Variants in SEMA6B observed in about 807,000 individuals in gnomAD.
SEMA6B encodes semaphorin-6B.
In SEMA6B, 47 loss-of-function variants were observed where a neutral mutation model predicts 78.6. The observed-to-expected ratio is 0.60, with a 90% CI of 0.47 to 0.76. The LOEUF (loss-of-function observed/expected upper bound fraction) is 0.76, where lower values mean the gene tolerates loss of function less well. SEMA6B is among the 30% of genes least tolerant of loss of function. The probability of loss-of-function intolerance (pLI) is 0.00; values close to 1 mark genes in which losing one functional copy is unlikely to be tolerated. For missense variants in SEMA6B, 1,213 were observed against 1,269.9 expected (o/e 0.96, Z 0.68); for synonymous variants, 632 against 592.2 (o/e 1.07, Z -0.98).
chr19:4,547,932 G>T, intron 14 of SEMA6B, 95 bp downstream of exon 14: 1 of 1,384,500 alleles, frequency 7.2e-7, no homozygotes, highest in Non-Finnish European at 9.5e-7. Context: ...CAATGACCAG[G>T]ACATCATTGG....
intron 12 of SEMA6B, among the ~76,000 whole-genome samples, chr19:4,549,447 G>A (rs4806987): frequency 0.4 from 60,361 of 149,718 alleles, 13,485 homozygotes; most frequent in East Asian, 0.84. Flanking sequence ...GACTACAGGC[G>A]CCCACCACCA....
chr19:4,547,791 G>T (rs1211263776), intron 14 of SEMA6B, among the ~76,000 whole-genome samples: 1 of 148,052 alleles, frequency 6.8e-6, no homozygotes, highest in South Asian at 2.2e-4. Flanking sequence ...TCCCCTCCCC[G>T]TCCTCCCCTC....
rs765190738 is a variant in SEMA6B at position 4,548,022 on chromosome 19, C to T, written c.1601+5G>A. ...GCCCACGGCTGGCCTGGGGTGGACA[C>T]TCACTTCATACACCCCGAGTACTGC... On this transcript the variant is annotated splice_donor_5th_base_variant and intron_variant, in intron 14 of 16. Coordinates refer to ENST00000586582, the MANE Select transcript of SEMA6B (RefSeq NM_032108.4). 5.2e-6 allele frequency: 8 copies of T among 1,540,844 alleles called. No individual in the cohort carries two copies. Among genetic ancestry groups the T allele is most frequent in the Admixed American group, 1.8e-5 (1 of 54,974 alleles).
chr19:4,550,906 G>A lies in SEMA6B; in HGVS notation c.1014C>T (p.Ala338=). The A allele has an allele frequency of 6.2e-7, 1 of 1,613,680 alleles. No homozygotes were observed. Among genetic ancestry groups the A allele is most frequent in the Non-Finnish European group, 8.5e-7 (1 of 1,179,994 alleles). The change falls in exon 11 of 17, where the codon GCC becomes GCT. Residue 338 remains alanine, a synonymous_variant. Coordinates refer to ENST00000586582, the MANE Select transcript of SEMA6B (RefSeq NM_032108.4). The surrounding 1 kb of genome is among the most constrained non-coding windows in gnomAD (Gnocchi z 6.6). The part of the protein sequence containing the change: ...SNSIPGSAVC[A]FDLTQVAAVF... ...CAGCTGCCACCTGTGTCAGGTCAAA[G>A]GCGCAGACAGCCGAGCCAGGGATGC...
intron 14 of SEMA6B, 141 bp from the exon 15 acceptor site, chr19:4,546,610 C>T (rs926555640): frequency 1.6e-5 from 7 of 446,076 alleles, no homozygotes; most frequent in South Asian, 7.2e-5. Flanking sequence ...GACGGAATTT[C>T]GCTCTTGTTG....
chr19:4,557,983 A>G, intron 3 of SEMA6B, 43 bp downstream of exon 3: 1 of 1,316,058 alleles, frequency 7.6e-7, no homozygotes, highest in South Asian at 2.1e-5. Context: ...CCCCTCGCTC[A>G]TTCTGCTCGT....
chr19:4,549,056 C>A (rs1162536806), intron 12 of SEMA6B, among the ~76,000 whole-genome samples: 1 of 152,078 alleles, frequency 6.6e-6, no homozygotes, highest in Non-Finnish European at 1.5e-5. Context: ...AAACTCCTGA[C>A]CTCAAGTGAT....
chr19:4,551,827 C>T (rs201807253), intron 10 of SEMA6B, among the ~76,000 whole-genome samples: 10 of 147,856 alleles, frequency 6.8e-5, no homozygotes, highest in Non-Finnish European at 1.3e-4. Context: ...GAAACTGTCT[C>T]AAAAAAAAAA....
chr19:4,557,632 GTC>G (rs1053218857), intron 3 of SEMA6B, among the ~76,000 whole-genome samples: 14 of 152,126 alleles, frequency 9.2e-5, no homozygotes, highest in Non-Finnish European at 4.4e-5. Context: ...GATCTGTCCG[GTC>G]TCTCTCCTTC....
At chr19:4,548,238 C>T (rs1977223845) in intron 13 of SEMA6B, 25 bp downstream of exon 13, 3 of 1,594,260 alleles carry the variant, frequency 1.9e-6, no homozygotes, top group Non-Finnish European at 2.6e-6. Context: ...GCTGGCGACC[C>T]CTTCCCACCT....
chr19:4,557,259 TC>T, intron 3 of SEMA6B, 36 bp from the exon 4 acceptor site: 1 of 1,503,496 alleles, frequency 6.7e-7, no homozygotes, highest in Non-Finnish European at 9.0e-7. Context: ...AACTGGGGGC[TC>T]CGCCACCCTC....
At chr19:4,553,448 G>GTGGGTGGATGGA in intron 9 of SEMA6B, among the ~76,000 whole-genome samples, 1 of 116,190 alleles carries the variant, frequency 8.6e-6, no homozygotes, top group African/African-American at 3.7e-5. Flanking sequence ...GGATGGGTGA[G>GTGGGTGGATGGA]TGGATGGATG....
rs574383936 is a variant in SEMA6B at position 4,548,573 on chromosome 19, C to G, written c.1272-128G>C. 435 of 850,054 alleles carry G rather than the reference C, an allele frequency of 5.1e-4. 2 individuals carry two copies. Among genetic ancestry groups the G allele is most frequent in the Middle Eastern group, 4.6e-3 (14 of 3,058 alleles). The allele number at this position is 850,054 out of a possible 1,614,324, so 52.7% of individuals were successfully genotyped here. ...CCAACACATGTGACAGCAATAAATG[C>G]GTGTGTGCATGGATGCCGGGGACAT... On this transcript the variant is annotated intron_variant, in intron 12 of 16. Coordinates refer to ENST00000586582, the MANE Select transcript of SEMA6B (RefSeq NM_032108.4).
intron 10 of SEMA6B, among the ~76,000 whole-genome samples, chr19:4,551,701 C>T (rs964746218): frequency 2.6e-5 from 4 of 151,784 alleles, no homozygotes; most frequent in South Asian, 2.1e-4. Context: ...TGGTGGCGCA[C>T]GCCTGTAATC....
At chr19:4,556,298 G>A (rs1977467780) in intron 5 of SEMA6B, among the ~76,000 whole-genome samples, 1 of 152,106 alleles carries the variant, frequency 6.6e-6, no homozygotes, top group Non-Finnish European at 1.5e-5. Flanking sequence ...CAGGATGGTG[G>A]GCATTGTCAG....
chr19:4,559,349 C>A (rs1223107269), intron 1 of SEMA6B, among the ~76,000 whole-genome samples, 181 bp downstream of exon 1: 2 of 152,166 alleles, frequency 1.3e-5, no homozygotes, highest in Non-Finnish European at 2.9e-5. Context: ...ACCTCCATGA[C>A]AGGCACCTCA....
At chr19:4,548,573 C>T (rs574383936) in intron 12 of SEMA6B, 128 bp from the exon 13 acceptor site, 11 of 849,936 alleles carry the variant, frequency 1.3e-5, no homozygotes, top group Admixed American at 9.6e-5. Context: ...GCAATAAATG[C>T]GTGTGTGCAT....
Position 4,552,039 on chromosome 19 carries a change from ACT to A in SEMA6B, c.989+381_989+382del, listed in dbSNP as rs926179921. Among the ~76,000 whole-genome samples, 13 of 151,768 alleles carry A rather than the reference ACT, an allele frequency of 8.6e-5. No homozygotes were observed. The highest frequency in any genetic ancestry group is 2.9e-4 in the African/African-American group (12 of 41,270). On this transcript the variant is annotated intron_variant, in intron 10 of 16. Transcript: ENST00000586582. This position sits in a 1 kb window ranked among gnomAD's most constrained non-coding sequence, Gnocchi z 7.4. ...CTCCCCTAGTTCCCTTCCCACACAGACTCTCTCACGATTACTTAAGTATACTG... is the reference window on the plus strand; with the variant it reads ...CTCCCCTAGTTCCCTTCCCACACAGACTCTCACGATTACTTAAGTATACTG...
chr19:4,549,299 C>CT (rs55771429), intron 12 of SEMA6B, among the ~76,000 whole-genome samples: 10,033 of 98,418 alleles, frequency 0.1, 1,724 homozygotes, highest in African/African-American at 0.27. Flanking sequence ...CTGTCTACCT[C>CT]TTTTTTTTTT....
Sources: allele counts gnomAD v4.1 joint callset (sites outside exome capture counted in the v4.1 genomes callset), GRCh38; gene constraint gnomAD v4.1.1; non-coding constraint Gnocchi (gnomAD v3.1); transcripts MANE v1.5; gene names NCBI Gene and HGNC (gene_info 2026-07-23, HGNC 2026-07-21).